ZNF862: variants seen among roughly 807,000 people sequenced by gnomAD.
ZNF862 encodes the protein zinc finger protein 862.
ZNF862 carries 64 observed loss-of-function variants against 91.1 expected under a neutral mutation model. The observed-to-expected ratio is 0.70, with a 90% CI of 0.57 to 0.87. The LOEUF (loss-of-function observed/expected upper bound fraction) is 0.87, where lower values mean the gene tolerates loss of function less well. Ranked by LOEUF, ZNF862 falls within the 40% of genes least tolerant of loss-of-function variation. The pLI is 0.00. For synonymous variants in ZNF862, 631 were observed against 618.1 expected (o/e 1.02, Z -0.31); for missense variants, 1,459 against 1,528.0 (o/e 0.95, Z 0.75).
rs1802435517 is a variant in ZNF862 at position 149,860,640 on chromosome 7, C to CCT, written c.1481_1482dup (p.Asn495LeufsTer10). 3 of 1,614,000 alleles carry CCT rather than the reference C, an allele frequency of 1.9e-6. No homozygotes were observed. Among genetic ancestry groups the CCT allele is most frequent in the Non-Finnish European group, 2.5e-6 (3 of 1,179,892 alleles). ...CTTCTGCTCAGCCTGCATAGAAAGA[C>CCT]CTAATCTCCATGATAAATCATCTCG... On this transcript the variant is annotated frameshift_variant, in exon 7 of 8. Transcript: ENST00000223210. LOFTEE classifies it high-confidence loss of function.
In ZNF862 at chr7:149,861,501, C is replaced by T; in HGVS notation, c.2341C>T (p.Leu781=). The change falls in exon 7 of 8, where the codon CTG becomes TTG. Residue 781 remains leucine (L), a synonymous_variant. Coordinates refer to ENST00000223210, the MANE Select transcript of ZNF862 (RefSeq NM_001099220.3). The surrounding 1 kb of genome is among the most constrained non-coding windows in gnomAD (Gnocchi z 6.7). ...AAPLEQEIIR[L]KDLNAVRWVA... is the part of the protein sequence containing the mutation. ...GCCTCTGGAGCAGGAGATCATCCGC[C>T]TGAAGGATCTGAATGCGGTCCGCTG... 6.2e-7 allele frequency: 1 copy of T among 1,611,324 alleles called. No homozygotes were observed. The highest frequency in any genetic ancestry group is 8.5e-7 in the Non-Finnish European group (1 of 1,179,106).
Position 149,862,175 on chromosome 7 carries a change from C to G in ZNF862, c.3015C>G (p.Phe1005Leu). The change falls in exon 7 of 8, where the codon TTC (phenylalanine) becomes TTG (leucine). Residue 1005 changes from phenylalanine (F) to leucine (L), a missense_variant. Coordinates refer to ENST00000223210, the MANE Select transcript of ZNF862 (RefSeq NM_001099220.3). ...AAACCATTGCCCAGCACCTCCCGTT[C>G]TCCATGCTCTGCAAAAACGCCCTGG... ...GLKTIAQHLPFSMLCKNALAQ... is the reference protein window; with the variant it reads ...GLKTIAQHLPLSMLCKNALAQ... 6.2e-7 allele frequency: 1 copy of G among 1,613,478 alleles called. No homozygotes were observed. Among genetic ancestry groups the G allele is most frequent in the Admixed American group, 1.7e-5 (1 of 60,022 alleles).
chr7:149,846,787 T>C (rs1272660630), intron 3 of ZNF862, among the ~76,000 whole-genome samples: 1 of 152,260 alleles, frequency 6.6e-6, no homozygotes, highest in Admixed American at 6.5e-5. Context: ...CAAGATCCTG[T>C]ATGAATCAAA....
chr7:149,863,433 T>G (rs1447774744), intron 7 of ZNF862, among the ~76,000 whole-genome samples: 4 of 152,140 alleles, frequency 2.6e-5, no homozygotes, highest in African/African-American at 9.7e-5. Context: ...GAAATGGGAC[T>G]GGATCTCATG....
At chr7:149,839,711 C>T (rs1258495913) in intron 1 of ZNF862, among the ~76,000 whole-genome samples, 2 of 152,092 alleles carry the variant, frequency 1.3e-5, no homozygotes, top group East Asian at 3.9e-4. Flanking sequence ...TTCCATCCTC[C>T]CTCCCTCCAC....
chr7:149,843,569 C>T (rs1801774717), intron 1 of ZNF862, among the ~76,000 whole-genome samples: 1 of 152,130 alleles, frequency 6.6e-6, no homozygotes, highest in South Asian at 2.1e-4. Flanking sequence ...CCCCAAACCC[C>T]AACACCTCCC....
At chr7:149,838,821 G>A (rs1268195111) in intron 1 of ZNF862, among the ~76,000 whole-genome samples, 186 bp downstream of exon 1, 1 of 152,262 alleles carries the variant, frequency 6.6e-6, no homozygotes, top group Non-Finnish European at 1.5e-5. Context: ...GAGAGGAGCG[G>A]ACGCTTCCGT....
At chr7:149,844,863 C>T (rs1367387572) in intron 2 of ZNF862, 127 bp downstream of exon 2, 2 of 654,322 alleles carry the variant, frequency 3.1e-6, no homozygotes, top group Admixed American at 2.5e-5. Context: ...TTTACTCCAC[C>T]TGTCTGCTCG....
chr7:149,863,333 G>A (rs1802586351), intron 7 of ZNF862, among the ~76,000 whole-genome samples: 1 of 142,506 alleles, frequency 7.0e-6, no homozygotes, highest in African/African-American at 3.0e-5. Context: ...GGCTGTTGCT[G>A]CTCCCAGTGC....
intron 5 of ZNF862, 72 bp from the exon 6 acceptor site, chr7:149,859,350 G>A: frequency 7.7e-7 from 1 of 1,302,216 alleles, no homozygotes; most frequent in Non-Finnish European, 1.1e-6. Context: ...TCAGGGACTG[G>A]GTCTAGCTTG....
rs550237734 is a variant in ZNF862, at chr7:149,846,275, CAG to C, written c.241+21_241+22del. 7.0e-5 allele frequency: 112 copies of C among 1,590,514 alleles called. 2 individuals are homozygous for C. Among genetic ancestry groups the C allele is most frequent in the South Asian group, 4.3e-4 (39 of 89,712 alleles). On this transcript the variant is annotated intron_variant, in intron 3 of 7. Coordinates refer to ENST00000223210, the MANE Select transcript of ZNF862 (RefSeq NM_001099220.3). ...ACCCAGGTGAGTGTGGAACTGCACT[CAG>C]GGGCAGATGCTTGGCTGGAGAGGGA...
Position 149,850,161 on chromosome 7 carries a change from G to A in ZNF862, c.940G>A (p.Asp314Asn). 6.4e-7 allele frequency: 1 copy of A among 1,561,192 alleles called. No homozygotes were observed. ...YNDAVESCIQ[D>N]PSAEGLSEEV... The stretch of plus-strand genomic sequence containing the variant: ...GAGTGGCCGCTGCTCTTTGTTCCAG[G>A]ACCCTTCTGCAGAGGGGCTGTCGGA... The change falls in exon 5 of 8, where the codon GAC becomes AAC. Residue 314 changes from aspartate (D) to asparagine (N), a missense_variant and splice_region_variant. By Grantham distance (23) the Asp-to-Asn change is conservative. Transcript: ENST00000223210. This position sits in a 1 kb window ranked among gnomAD's most constrained non-coding sequence, Gnocchi z 4.2.
intron 7 of ZNF862, among the ~76,000 whole-genome samples, chr7:149,863,402 C>T (rs927208693): frequency 2.0e-5 from 3 of 151,744 alleles, no homozygotes; most frequent in African/African-American, 7.3e-5. Context: ...CCAGTTTTCA[C>T]CTCTGAGTCT....
At chr7:149,854,053 A>C (rs1234561204) in intron 5 of ZNF862, among the ~76,000 whole-genome samples, 1 of 152,150 alleles carries the variant, frequency 6.6e-6, no homozygotes, top group Non-Finnish European at 1.5e-5. Flanking sequence ...ATTATTTCTA[A>C]ATAACGTATG....
intron 6 of ZNF862, 72 bp from the exon 7 acceptor site, chr7:149,860,311 G>T: frequency 7.4e-7 from 1 of 1,356,218 alleles, no homozygotes; most frequent in South Asian, 1.4e-5. Flanking sequence ...TTAAATTTGG[G>T]GGTGTCTTAG....
chr7:149,848,343 G>T lies in ZNF862; in HGVS notation c.850G>T (p.Asp284Tyr). ...TGCAATGTATCTAGACTGCATTTCA[G>T]ATTTGAGGCAAAAAGAAATCACTGA... ...IPAMYLDCIS[D>Y]LRQKEITDGI... Residue 284 changes from aspartate to tyrosine, a missense_variant, in exon 4 of 8, where the codon GAT (aspartate) becomes TAT (tyrosine). Asp to Tyr is a radical substitution (Grantham distance 160, BLOSUM62 -3). Transcript: ENST00000223210. 2 of 1,606,448 alleles carry T rather than the reference G, an allele frequency of 1.2e-6. No homozygotes were observed. The highest frequency in any genetic ancestry group is 2.2e-5 in the South Asian group (2 of 89,802).
At chr7:149,859,921 A>G (rs1463185682) in intron 6 of ZNF862, 3 of 248,346 alleles carry the variant, frequency 1.2e-5, no homozygotes, top group African/African-American at 6.8e-5. Context: ...GCCTATCTCA[A>G]TCAGTAATTT....
intron 5 of ZNF862, among the ~76,000 whole-genome samples, chr7:149,854,587 C>G (rs1304801706): frequency 1.3e-5 from 2 of 152,206 alleles, no homozygotes; most frequent in Non-Finnish European, 2.9e-5. Flanking sequence ...GTGGGGAGTC[C>G]AGGTGGGCCT....
In ZNF862 at chr7:149,867,133, G is replaced by T. The variant is rs1308148403; in HGVS notation, c.*2849G>T. 6.6e-6 allele frequency: 1 copy of T among 152,224 alleles called. No homozygotes were observed. The highest frequency in any genetic ancestry group is 1.5e-5 in the Non-Finnish European group (1 of 68,068). 9.4% of individuals were successfully genotyped at this position (152,224 alleles called of 1,614,324 possible). On this transcript the variant is annotated 3_prime_UTR_variant, in exon 8 of 8. Coordinates refer to ENST00000223210, the MANE Select transcript of ZNF862 (RefSeq NM_001099220.3). ...ATACCCACCGGGTCTGACATTCCAAGTAACCAGTATGTAACTGGTAGTTTG... is the reference window on the plus strand; with the variant it reads ...ATACCCACCGGGTCTGACATTCCAATTAACCAGTATGTAACTGGTAGTTTG...
Sources: gnomAD v4.1 joint callset for allele counts (sites outside exome capture counted in the v4.1 genomes callset) on GRCh38, gnomAD v4.1.1 for gene constraint, Gnocchi (gnomAD v3.1) non-coding constraint, MANE v1.5 for transcripts, NCBI Gene and HGNC (gene_info 2026-07-23, HGNC 2026-07-21) for gene names.